MIPOL1: variants seen among roughly 807,000 people sequenced by gnomAD.
MIPOL1 encodes mirror-image polydactyly 1, also known as mirror-image polydactyly gene 1 protein.
MIPOL1 carries 57 observed loss-of-function variants against 60.9 expected under a neutral mutation model. That is an observed-to-expected ratio of 0.94 (90% CI 0.76 to 1.17). MIPOL1 has a LOEUF of 1.17. MIPOL1 is among the 50% of genes most tolerant of loss of function. The probability of loss-of-function intolerance (pLI) is 0.00; values close to 1 mark genes in which losing one functional copy is unlikely to be tolerated. For missense variants in MIPOL1, 551 were observed against 511.6 expected (o/e 1.08, Z -0.74); for synonymous variants, 179 against 168.8 (o/e 1.06, Z -0.47).
rs2153551530 is a variant in MIPOL1 at position 37,422,952 on chromosome 14, A to G, written c.1031+3A>G. 1 of 1,581,508 alleles carries G rather than the reference A, an allele frequency of 6.3e-7. No individual in the cohort carries two copies. The highest frequency in any genetic ancestry group is 8.6e-7 in the Non-Finnish European group (1 of 1,157,452). On this transcript the variant is annotated splice_donor_region_variant and intron_variant, in intron 11 of 12. Coordinates refer to ENST00000684589, the MANE Select transcript of MIPOL1 (RefSeq NM_001388067.1). The stretch of plus-strand genomic sequence containing the variant: ...CAGACCCTTCGAGTTTACTACAGGT[A>G]AAATTCTTTTTAGCCTGGGGTTAAG...
chr14:37,376,580 G>A (rs2092782842), intron 10 of MIPOL1, among the ~76,000 whole-genome samples: 1 of 151,910 alleles, frequency 6.6e-6, no homozygotes, highest in African/African-American at 2.4e-5. Context: ...TGTTCTGTCA[G>A]TGACTTATGG....
At chr14:37,362,877 C>A (rs1233299944) in intron 9 of MIPOL1, among the ~76,000 whole-genome samples, 8 of 152,138 alleles carry the variant, frequency 5.3e-5, no homozygotes, top group African/African-American at 1.7e-4. Flanking sequence ...ATCACTGATA[C>A]CCTTTCTTCC....
intron 1 of MIPOL1, among the ~76,000 whole-genome samples, chr14:37,216,299 T>A (rs960908331): frequency 6.6e-6 from 1 of 152,012 alleles, no homozygotes; most frequent in Non-Finnish European, 1.5e-5. Flanking sequence ...ATATTAGAGA[T>A]AAAGAGAGAG....
chr14:37,219,759 G>C (rs966395774), intron 1 of MIPOL1: 2 of 152,200 alleles, frequency 1.3e-5, no homozygotes, highest in African/African-American at 4.8e-5. Flanking sequence ...GAGGTGTGAT[G>C]AAATTTCCGA....
intron 1 of MIPOL1, among the ~76,000 whole-genome samples, chr14:37,224,873 G>A (rs899013830): frequency 2.6e-5 from 4 of 152,052 alleles, no homozygotes; most frequent in South Asian, 2.1e-4. Flanking sequence ...CTGTAAAATC[G>A]AAAGCAAATT....
chr14:37,366,691 G>A (rs917683226), intron 9 of MIPOL1, among the ~76,000 whole-genome samples: 3 of 151,930 alleles, frequency 2.0e-5, no homozygotes, highest in Admixed American at 1.3e-4. Context: ...GATTCAGTCC[G>A]AAGTTTCTTT....
intron 7 of MIPOL1, among the ~76,000 whole-genome samples, chr14:37,307,756 A>G (rs2086909070): frequency 6.6e-6 from 1 of 152,096 alleles, no homozygotes; most frequent in Admixed American, 6.6e-5. Flanking sequence ...AATGATGAGA[A>G]TGAGTGCTTT....
At chr14:37,387,069 C>T (rs535686807) in intron 10 of MIPOL1, among the ~76,000 whole-genome samples, 4 of 151,758 alleles carry the variant, frequency 2.6e-5, no homozygotes, top group East Asian at 3.9e-4. Context: ...ATTCAAAAAC[C>T]GTAAGTTTGG....
intron 7 of MIPOL1, among the ~76,000 whole-genome samples, chr14:37,302,191 G>T (rs767119719): frequency 6.7e-6 from 1 of 148,808 alleles, no homozygotes; most frequent in Admixed American, 6.7e-5. Context: ...TTTCCAGAGT[G>T]GCTATACTAG....
intron 9 of MIPOL1, among the ~76,000 whole-genome samples, chr14:37,365,519 T>A (rs2092441684): frequency 6.6e-6 from 1 of 152,218 alleles, no homozygotes; most frequent in African/African-American, 2.4e-5. Flanking sequence ...TTGATTGATT[T>A]GCGTATGTTG....
intron 9 of MIPOL1, among the ~76,000 whole-genome samples, chr14:37,308,938 A>G (rs1455064762): frequency 6.6e-6 from 1 of 151,922 alleles, no homozygotes; most frequent in Non-Finnish European, 1.5e-5. Context: ...ATGGATCAAA[A>G]TTATTCATGT....
intron 1 of MIPOL1, among the ~76,000 whole-genome samples, chr14:37,236,469 C>G (rs1390817729): frequency 6.6e-6 from 1 of 151,590 alleles, no homozygotes; most frequent in East Asian, 2.0e-4. Flanking sequence ...TTTTTGAGAC[C>G]CTTGTCGCCC....
chr14:37,337,245 C>G (rs569959020), intron 9 of MIPOL1, among the ~76,000 whole-genome samples: 1 of 146,368 alleles, frequency 6.8e-6, no homozygotes, highest in Non-Finnish European at 1.5e-5. Context: ...TAATCACTCT[C>G]CTCACTGTGA....
intron 10 of MIPOL1, among the ~76,000 whole-genome samples, chr14:37,422,619 TA>T (rs2093893247): frequency 6.6e-6 from 1 of 151,976 alleles, no homozygotes; most frequent in African/African-American, 2.4e-5. Context: ...TACAGATAAA[TA>T]AGGTTGAAGT....
intron 3 of MIPOL1, among the ~76,000 whole-genome samples, chr14:37,248,648 C>G (rs1486051284): frequency 1.3e-5 from 2 of 151,902 alleles, no homozygotes; most frequent in Non-Finnish European, 2.9e-5. Flanking sequence ...ATATATCTCT[C>G]TCTCTCCTCA....
At chr14:37,355,051 G>T (rs28896004) in intron 9 of MIPOL1, among the ~76,000 whole-genome samples, 143,388 of 143,982 alleles carry the variant, frequency 1, 71,406 homozygotes, top group Non-Finnish European at 1. Context: ...GGTACCGGTT[G>T]TCCTTTCCAT....
At position 37,500,122 on chromosome 14, in the gene MIPOL1, A is replaced by C. The variant is rs1490080017; in HGVS notation, c.1246A>C (p.Asn416His). 1 of 1,604,686 alleles carries C rather than the reference A, an allele frequency of 6.2e-7. No homozygotes were observed. The highest frequency in any genetic ancestry group is 1.7e-5 in the Admixed American group (1 of 57,760). The change falls in exon 12 of 13, where the codon AAT (asparagine) becomes CAT (histidine). Residue 416 changes from asparagine (N) to histidine (H), a missense_variant. Coordinates refer to ENST00000684589, the MANE Select transcript of MIPOL1 (RefSeq NM_001388067.1). The part of the protein sequence containing the change: ...QHAREASQVA[N>H]EKVQKLERLV... The stretch of plus-strand genomic sequence containing the variant: ...TGCCAGAGAGGCCTCCCAAGTGGCC[A>C]ATGAAAAAGTTCAAAAGTAAGTTAA...
chr14:37,415,920 C>G (rs1234697364), intron 10 of MIPOL1, among the ~76,000 whole-genome samples: 1 of 152,188 alleles, frequency 6.6e-6, no homozygotes, highest in African/African-American at 2.4e-5. Context: ...CTATGTATAA[C>G]TGTAGTACCA....
chr14:37,456,259 C>A (rs1292662700), intron 11 of MIPOL1, among the ~76,000 whole-genome samples: 1 of 151,810 alleles, frequency 6.6e-6, no homozygotes, highest in African/African-American at 2.4e-5. Context: ...TGTATATTTT[C>A]TTGAATAGTT....
Sources: gnomAD v4.1 joint callset for allele counts (sites outside exome capture counted in the v4.1 genomes callset) on GRCh38, gnomAD v4.1.1 for gene constraint, MANE v1.5 for transcripts, NCBI Gene and HGNC (gene_info 2026-07-23, HGNC 2026-07-21) for gene names.